The following TNFAIP8 variants were observed in gnomAD, a reference collection of about 807,000 sequenced individuals.
The protein encoded by TNFAIP8 is tumor necrosis factor alpha-induced protein 8.
TNFAIP8 carries 7 observed loss-of-function variants against 13.3 expected under a neutral mutation model. The observed-to-expected ratio is 0.52, with a 90% CI of 0.30 to 0.99. TNFAIP8 has a LOEUF of 0.99. Among genes scored for constraint, TNFAIP8 ranks in the 50% least tolerant of loss-of-function variants. The pLI is 0.07. For synonymous variants in TNFAIP8, 94 were observed against 87.6 expected (o/e 1.07, Z -0.41); for missense variants, 258 against 236.9 (o/e 1.09, Z -0.58).
chr5:119,295,461 A>T (rs1404614424), intron 1 of TNFAIP8, among the ~76,000 whole-genome samples: 2 of 151,688 alleles, frequency 1.3e-5, no homozygotes, highest in African/African-American at 4.8e-5. Context: ...GTTATTTCTG[A>T]GGGCTCTGTT....
Position 119,394,610 on chromosome 5 carries a change from G to GTTTTTTTTTTTTTTTT in TNFAIP8, c.*1229_*1230insTTTTTTTTTTTTTTTT. 9.8e-6 allele frequency: 1 copy of GTTTTTTTTTTTTTTTT among 102,164 alleles called. No individual in the cohort carries two copies. Among genetic ancestry groups the GTTTTTTTTTTTTTTTT allele is most frequent in the African/African-American group, 4.8e-5 (1 of 20,630 alleles). 6.3% of individuals were successfully genotyped at this position (102,164 alleles called of 1,614,324 possible). On this transcript the variant is annotated 3_prime_UTR_variant, in exon 2 of 2. Transcript: ENST00000504771. Reference sequence around the variant, plus strand: ...ACATTTCCATTGTCACTGTGTCTATGATTTTTTTTTTTTTTTTTTTGAGTC... The same window carrying GTTTTTTTTTTTTTTTT: ...ACATTTCCATTGTCACTGTGTCTATGTTTTTTTTTTTTTTTTATTTTTTTTTTTTTTTTTTTGAGTC...
intron 1 of TNFAIP8, among the ~76,000 whole-genome samples, chr5:119,362,085 A>G (rs1272819659): frequency 6.6e-6 from 1 of 152,260 alleles, no homozygotes; most frequent in Non-Finnish European, 1.5e-5. Flanking sequence ...AGTACAGCTC[A>G]GAGGATCAGA....
intron 1 of TNFAIP8, among the ~76,000 whole-genome samples, chr5:119,388,650 C>G (rs1221562684): frequency 6.6e-6 from 1 of 151,730 alleles, no homozygotes; most frequent in Non-Finnish European, 1.5e-5. Flanking sequence ...CTTTTCTTTT[C>G]TTTTCTGAGA....
chr5:119,340,815 C>T (rs1750711416), intron 1 of TNFAIP8, among the ~76,000 whole-genome samples: 1 of 152,122 alleles, frequency 6.6e-6, no homozygotes, highest in African/African-American at 2.4e-5. Context: ...TGAATTGCAC[C>T]AAGTTGAGTA....
At chr5:119,385,614 T>G (rs1752639965) in intron 1 of TNFAIP8, among the ~76,000 whole-genome samples, 1 of 152,166 alleles carries the variant, frequency 6.6e-6, no homozygotes, top group African/African-American at 2.4e-5. Flanking sequence ...AAAAGAGAAA[T>G]TCCCTTCTAA....
At chr5:119,344,471 A>G (rs558841012) in intron 1 of TNFAIP8, among the ~76,000 whole-genome samples, 3 of 152,328 alleles carry the variant, frequency 2.0e-5, no homozygotes, top group African/African-American at 7.2e-5. Flanking sequence ...ACAAACATCC[A>G]CACTGTAATA....
intron 1 of TNFAIP8, chr5:119,269,036 A>C: frequency 1.7e-6 from 1 of 591,852 alleles, no homozygotes; most frequent in East Asian, 3.0e-5. Flanking sequence ...AGTGAGTGTG[A>C]GTGGGTGCGT....
At chr5:119,291,423 G>C (rs746915667) in intron 1 of TNFAIP8, among the ~76,000 whole-genome samples, 1 of 152,336 alleles carries the variant, frequency 6.6e-6, no homozygotes, top group East Asian at 1.9e-4. Context: ...TTCGATTTAC[G>C]TAAGTGGAAA....
chr5:119,331,113 G>A (rs1750363455), intron 1 of TNFAIP8, among the ~76,000 whole-genome samples: 1 of 152,142 alleles, frequency 6.6e-6, no homozygotes, highest in Admixed American at 6.5e-5. Flanking sequence ...CATGGGTGAT[G>A]CATCCACATT....
At chr5:119,301,607 A>G (rs1749396791) in intron 1 of TNFAIP8, among the ~76,000 whole-genome samples, 1 of 152,230 alleles carries the variant, frequency 6.6e-6, no homozygotes, top group African/African-American at 2.4e-5. Flanking sequence ...TGAGTCTAGC[A>G]CGAGGTAGGC....
At position 119,378,432 on chromosome 5, in the gene TNFAIP8, AG is replaced by A. The variant is rs148474814; in HGVS notation, c.32-14383del. 4.5e-3 allele frequency among the ~76,000 whole-genome samples: 680 copies of A among 152,318 alleles called. 2 individuals are homozygous for A. The highest frequency in any genetic ancestry group is 0.015 in the African/African-American group (622 of 41,570). ...TCTTTGTTTACCTTTAACTGGATCT[AG>A]CCTCCTGACATTAACATGGCTATGA... On this transcript the variant is annotated intron_variant, in intron 1 of 1. Coordinates refer to ENST00000504771, the MANE Select transcript of TNFAIP8 (RefSeq NM_014350.4).
rs771746591 is a variant in TNFAIP8 at position 119,276,113 on chromosome 5, GTT to G, written c.1+7218_1+7219del. Among the ~76,000 whole-genome samples the G allele has an allele frequency of 9.7e-5, 14 of 144,018 alleles. 1 individual carries two copies. The highest frequency in any genetic ancestry group is 3.5e-4 in the African/African-American group (14 of 39,488). The allele number at this position is 144,018 out of a possible 152,430, so 94.5% of individuals were successfully genotyped here. A position where few individuals can be genotyped will look rare whatever the true frequency, so the allele number is the denominator to read the frequency against. On this transcript the variant is annotated intron_variant, in intron 1 of 1. Transcript: ENST00000274456. ...TTTAATCAGTCTTTCGTTAAGTTCT[GTT>G]TTTTTTTTTTTCTTTTTTTTGAGTT...
chr5:119,359,888 T>A (rs1751568977), intron 1 of TNFAIP8, among the ~76,000 whole-genome samples: 1 of 152,234 alleles, frequency 6.6e-6, no homozygotes, highest in Non-Finnish European at 1.5e-5. Flanking sequence ...AACACCGGAC[T>A]TTGACGTGCT....
intron 1 of TNFAIP8, chr5:119,269,005 A>G: frequency 1.6e-6 from 1 of 623,468 alleles, no homozygotes; most frequent in Non-Finnish European, 2.9e-6. Flanking sequence ...TCCGGCTCAG[A>G]GAGTTTCTGA....
At chr5:119,355,954 C>T (rs898070659), upstream of TNFAIP8, 5 of 1,464,502 alleles carry the variant, frequency 3.4e-6, no homozygotes, top group African/African-American at 2.9e-5. Flanking sequence ...CGCTCTCCCG[C>T]CCCGGGGAGG....
chr5:119,319,533 C>T (rs1425198052), intron 1 of TNFAIP8, among the ~76,000 whole-genome samples: 3 of 152,060 alleles, frequency 2.0e-5, no homozygotes, highest in Admixed American at 6.5e-5. Context: ...GGTGTGTATG[C>T]GTACACACAT....
chr5:119,307,517 A>G lies in TNFAIP8; in HGVS notation c.1+38610A>G, dbSNP rs561042251. Among the ~76,000 whole-genome samples, 13 of 152,010 alleles carry G rather than the reference A, an allele frequency of 8.6e-5. No individual in the cohort carries two copies. In the East Asian group the frequency reaches 2.5e-3, roughly 29 times the overall value. On this transcript the variant is annotated intron_variant, in intron 1 of 1. Coordinates refer to the TNFAIP8 transcript ENST00000274456. ...GCTTCTGCCAAGGTTCCTTGTAGAG[A>G]AAAATTTCTGGAAAGATGGATAGAT... is the stretch of plus-strand genomic sequence containing the variant.
At chr5:119,390,762 G>T (rs1008948748) in intron 1 of TNFAIP8, among the ~76,000 whole-genome samples, 1 of 152,040 alleles carries the variant, frequency 6.6e-6, no homozygotes, top group African/African-American at 2.4e-5. Flanking sequence ...TATATACCAC[G>T]AACTACTTTG....
intron 1 of TNFAIP8, among the ~76,000 whole-genome samples, chr5:119,269,138 C>A (rs1317998424): frequency 6.6e-6 from 1 of 152,206 alleles, no homozygotes; most frequent in Non-Finnish European, 1.5e-5. Context: ...GTTCCAGTGC[C>A]GCACTGAGGA....
Sources: allele counts gnomAD v4.1 joint callset (sites outside exome capture counted in the v4.1 genomes callset), GRCh38; gene constraint gnomAD v4.1.1; transcripts MANE v1.5; gene names NCBI Gene and HGNC (gene_info 2026-07-23, HGNC 2026-07-21).